SPOCK3: variants seen among roughly 807,000 people sequenced by gnomAD.
SPOCK3 encodes testican-3.
In SPOCK3, 30 loss-of-function variants were observed where a neutral mutation model predicts 56.6. The ratio of observed to expected loss-of-function variants is 0.53; its 90% CI spans 0.40 to 0.72. SPOCK3 has a LOEUF of 0.72. Among genes scored for constraint, SPOCK3 ranks in the 30% least tolerant of loss-of-function variants. SPOCK3 has a pLI of 0.00. For synonymous variants in SPOCK3, 196 were observed against 183.3 expected (o/e 1.07, Z -0.56); for missense variants, 527 against 530.0 (o/e 0.99, Z 0.06).
chr4:167,008,444 A>C (rs2150140195), intron 3 of SPOCK3, among the ~76,000 whole-genome samples: 1 of 152,250 alleles, frequency 6.6e-6, no homozygotes, highest in Non-Finnish European at 1.5e-5. Flanking sequence ...AGGCTATGGT[A>C]GAGGATTTGA....
chr4:166,735,149 A>G, intron 10 of SPOCK3, 59 bp from the exon 11 acceptor site: 1 of 989,410 alleles, frequency 1.0e-6, no homozygotes, highest in Non-Finnish European at 1.5e-6. Flanking sequence ...CAATTTCTGC[A>G]AGATAAAATC....
intron 2 of SPOCK3, among the ~76,000 whole-genome samples, chr4:167,215,163 A>G (rs566068945): frequency 6.6e-6 from 1 of 152,244 alleles, no homozygotes. Flanking sequence ...TTTCTACAGA[A>G]GAAATAAGAT....
chr4:166,902,429 A>G (rs1736149568), intron 5 of SPOCK3, among the ~76,000 whole-genome samples: 1 of 152,058 alleles, frequency 6.6e-6, no homozygotes, highest in Admixed American at 6.6e-5. Flanking sequence ...AAAATTCTCA[A>G]CTAAATTCTC....
chr4:166,945,692 T>C (rs7682265), intron 4 of SPOCK3, among the ~76,000 whole-genome samples: 24,108 of 152,200 alleles, frequency 0.16, 2,755 homozygotes, highest in African/African-American at 0.33. Flanking sequence ...AGTTGGGCTC[T>C]GATCCTCTGC....
intron 4 of SPOCK3, among the ~76,000 whole-genome samples, chr4:166,926,521 GTTGTTT>G (rs973404917): frequency 6.6e-6 from 1 of 150,410 alleles, no homozygotes; most frequent in Non-Finnish European, 1.5e-5. Context: ...TTTTGCTGTT[GTTGTTT>G]TTGTTTTTGC....
intron 6 of SPOCK3, among the ~76,000 whole-genome samples, chr4:166,811,493 T>G (rs1202775856): frequency 6.6e-6 from 1 of 151,860 alleles, no homozygotes; most frequent in Non-Finnish European, 1.5e-5. Context: ...TATTTCTTAA[T>G]GTGTAATGAT....
intron 4 of SPOCK3, among the ~76,000 whole-genome samples, chr4:166,950,637 T>C (rs1579768337): frequency 2.7e-5 from 4 of 150,616 alleles, no homozygotes; most frequent in South Asian, 4.2e-4. Context: ...TATACATTTT[T>C]TTCAGCACCA....
At chr4:166,803,151 T>G (rs1742798064) in intron 6 of SPOCK3, among the ~76,000 whole-genome samples, 1 of 152,166 alleles carries the variant, frequency 6.6e-6, no homozygotes. Context: ...CACACTAAAA[T>G]TTTTAAGTGA....
intron 2 of SPOCK3, among the ~76,000 whole-genome samples, chr4:167,149,818 A>C (rs982874120): frequency 8.4e-6 from 1 of 119,312 alleles, no homozygotes; most frequent in African/African-American, 3.2e-5. Context: ...TATGCACTAT[A>C]TATATGGTGT....
At chr4:167,183,436 TACTC>T (rs796120000) in intron 2 of SPOCK3, among the ~76,000 whole-genome samples, 42 of 152,124 alleles carry the variant, frequency 2.8e-4, no homozygotes, top group African/African-American at 8.4e-4. Flanking sequence ...TAGGTTGAAA[TACTC>T]AGCATGAAAA....
rs572735815 is a variant in SPOCK3, at chr4:166,952,578, AAC to A, written c.351-39837_351-39836del. ...TGGCTTTCTTCACAGAATTGGAAAA[AAC>A]TACTTTAAAGTTCATATGGAACCAA... On this transcript the variant is annotated intron_variant, in intron 4 of 10. Coordinates refer to ENST00000357545, the MANE Select transcript of SPOCK3 (RefSeq NM_001040159.2). Among the ~76,000 whole-genome samples, 676 of 152,274 alleles carry A rather than the reference AAC, an allele frequency of 4.4e-3. 4 individuals carry two copies. Among genetic ancestry groups the A allele is most frequent in the African/African-American group, 0.016 (653 of 41,544 alleles).
At chr4:166,787,908 G>A (rs893842191) in intron 7 of SPOCK3, among the ~76,000 whole-genome samples, 3 of 152,138 alleles carry the variant, frequency 2.0e-5, no homozygotes, top group African/African-American at 7.2e-5. Flanking sequence ...TTGGCCAGGA[G>A]CAGTGGCTCA....
At chr4:167,205,313 ATTT>A (rs1349251082) in intron 2 of SPOCK3, among the ~76,000 whole-genome samples, 7 of 50,160 alleles carry the variant, frequency 1.4e-4, no homozygotes, top group African/African-American at 5.3e-4. Context: ...TATATTATAT[ATTT>A]TATATATATA....
intron 4 of SPOCK3, among the ~76,000 whole-genome samples, chr4:166,935,592 C>G (rs1405402465): frequency 6.6e-6 from 1 of 152,124 alleles, no homozygotes; most frequent in East Asian, 1.9e-4. Context: ...TCATGTTAAC[C>G]ACTGTAAATG....
At chr4:166,769,889 A>T (rs1738692009) in intron 7 of SPOCK3, among the ~76,000 whole-genome samples, 1 of 152,100 alleles carries the variant, frequency 6.6e-6, no homozygotes, top group Non-Finnish European at 1.5e-5. Context: ...CAGCAATGGC[A>T]GGCGCCCCTC....
chr4:166,762,751 T>C (rs2054146), intron 7 of SPOCK3, among the ~76,000 whole-genome samples: 50,143 of 151,768 alleles, frequency 0.33, 8,439 homozygotes, highest in Admixed American at 0.42. Context: ...ATAAATGAAA[T>C]GAAATATATG....
At chr4:166,963,357 T>C (rs1482155707) in intron 4 of SPOCK3, among the ~76,000 whole-genome samples, 1 of 152,018 alleles carries the variant, frequency 6.6e-6, no homozygotes, top group Non-Finnish European at 1.5e-5. Flanking sequence ...TATGTGGAAA[T>C]TGAGATGTTA....
At chr4:167,080,239 T>C (rs1314597725) in intron 2 of SPOCK3, among the ~76,000 whole-genome samples, 2 of 152,064 alleles carry the variant, frequency 1.3e-5, no homozygotes, top group Non-Finnish European at 2.9e-5. Flanking sequence ...ATCAGTATTG[T>C]CTGACTTATG....
rs1440529076 is a variant in SPOCK3, at chr4:166,829,658, T to C, written c.590-37369A>G. On this transcript the variant is annotated intron_variant, in intron 6 of 10. Coordinates refer to ENST00000357545, the MANE Select transcript of SPOCK3 (RefSeq NM_001040159.2). ...TTCCTGCTTGGTAGGACAGTCCATATTATTGATGCAAATTTAAATTGCTTA... is the reference window on the plus strand; with the variant it reads ...TTCCTGCTTGGTAGGACAGTCCATACTATTGATGCAAATTTAAATTGCTTA... Among the ~76,000 whole-genome samples, 4 of 152,240 alleles carry C rather than the reference T, an allele frequency of 2.6e-5. No individual in the cohort carries two copies. In the East Asian group the frequency reaches 5.8e-4, roughly 22 times the overall value.
Sources: allele counts gnomAD v4.1 joint callset (sites outside exome capture counted in the v4.1 genomes callset), GRCh38; gene constraint gnomAD v4.1.1; transcripts MANE v1.5; gene names NCBI Gene and HGNC (gene_info 2026-07-23, HGNC 2026-07-21).